The following GPM6A variants were observed in gnomAD, a reference collection of about 807,000 sequenced individuals.
GPM6A encodes neuronal membrane glycoprotein M6-a.
GPM6A carries 7 observed loss-of-function variants against 32.1 expected under a neutral mutation model. That is an observed-to-expected ratio of 0.22 (90% CI 0.12 to 0.41). The LOEUF (loss-of-function observed/expected upper bound fraction) is 0.41. GPM6A is among the 10% of genes least tolerant of loss of function. The probability of loss-of-function intolerance (pLI) is 1.00; values close to 1 mark genes in which losing one functional copy is unlikely to be tolerated. For missense variants in GPM6A, 235 were observed against 347.2 expected, an observed-to-expected ratio of 0.68 and a Z score of 2.57; for synonymous variants, 130 against 123.4, an observed-to-expected ratio of 1.05 and a Z score of -0.35.
chr4:175,843,789 A>G (rs1364804763), intron 1 of GPM6A, among the ~76,000 whole-genome samples: 3 of 152,286 alleles, frequency 2.0e-5, no homozygotes, highest in Non-Finnish European at 4.4e-5. Flanking sequence ...CTTGTAAAAT[A>G]AGGTGACTGG....
At chr4:175,734,944 A>C (rs1560903997) in intron 1 of GPM6A, among the ~76,000 whole-genome samples, 1 of 152,202 alleles carries the variant, frequency 6.6e-6, no homozygotes, top group Non-Finnish European at 1.5e-5. Flanking sequence ...ATTTATAAGA[A>C]CCCTCCACAC....
At chr4:175,902,034 GA>G (rs532157185) in intron 1 of GPM6A, among the ~76,000 whole-genome samples, 34 of 152,270 alleles carry the variant, frequency 2.2e-4, no homozygotes, top group African/African-American at 7.9e-4. Context: ...GCAACAAAAA[GA>G]TGTGGACAAG....
At chr4:175,670,860 C>CT (rs1743016862) in intron 3 of GPM6A, among the ~76,000 whole-genome samples, 1 of 116,418 alleles carries the variant, frequency 8.6e-6, no homozygotes, top group Non-Finnish European at 2.0e-5. Context: ...AATGTTGCTT[C>CT]ATTTTTTTTT....
At position 175,708,214 on chromosome 4, in the gene GPM6A, T is replaced by A. The variant is rs138603961; in HGVS notation, c.38-6447A>T. On this transcript the variant is annotated intron_variant, in intron 1 of 6. Transcript: ENST00000393658. ...ATTGTGAAAAGTTCAAGGAAGGAAA[T>A]CTAAACAAAGAGGTGGGGTAAGGAG... is the stretch of plus-strand genomic sequence containing the variant. Among the ~76,000 whole-genome samples the A allele has an allele frequency of 5.3e-5, 8 of 152,052 alleles. No individual in the cohort carries two copies. The East Asian group carries it at 1.5e-3, about 29-fold the overall frequency.
intron 1 of GPM6A, among the ~76,000 whole-genome samples, chr4:175,970,206 C>T (rs1740457855): frequency 2.0e-5 from 3 of 152,082 alleles, no homozygotes; most frequent in Admixed American, 1.3e-4. Context: ...TTGTTTTCAC[C>T]GGAAATCTGA....
chr4:175,677,301 G>A (rs899565281), intron 2 of GPM6A, among the ~76,000 whole-genome samples: 11 of 152,116 alleles, frequency 7.2e-5, no homozygotes, highest in African/African-American at 2.6e-4. Flanking sequence ...GTTATGTTTC[G>A]GTACCATTTT....
At chr4:175,743,635 T>TA (rs75778180) in intron 1 of GPM6A, among the ~76,000 whole-genome samples, 8,040 of 151,856 alleles carry the variant, frequency 0.053, 378 homozygotes, top group East Asian at 0.28. Context: ...TTTTACAATT[T>TA]AAAAAATGCA....
chr4:175,856,475 G>A (rs1736421279), intron 1 of GPM6A, among the ~76,000 whole-genome samples: 1 of 152,208 alleles, frequency 6.6e-6, no homozygotes. Context: ...CACGACCTCT[G>A]GAGCCCCAGA....
chr4:175,806,325 C>T (rs532723027), intron 1 of GPM6A, among the ~76,000 whole-genome samples: 8 of 152,276 alleles, frequency 5.3e-5, no homozygotes, highest in South Asian at 2.1e-4. Context: ...CTATCTATCA[C>T]GCTGTACTTC....
chr4:175,838,929 G>T (rs1490811068), intron 1 of GPM6A, among the ~76,000 whole-genome samples: 1 of 152,018 alleles, frequency 6.6e-6, no homozygotes, highest in Admixed American at 6.6e-5. Flanking sequence ...CTCCCAAAGT[G>T]CTGGGATTAC....
chr4:175,650,132 T>C (rs981301531), intron 4 of GPM6A, among the ~76,000 whole-genome samples: 1 of 152,052 alleles, frequency 6.6e-6, no homozygotes, highest in African/African-American at 2.4e-5. Context: ...GCCAAGAACG[T>C]CACCCATAGA....
At chr4:175,776,012 A>G (rs956677197) in intron 1 of GPM6A, among the ~76,000 whole-genome samples, 12 of 152,206 alleles carry the variant, frequency 7.9e-5, no homozygotes, top group South Asian at 4.1e-4. Context: ...TTCGATTATA[A>G]AAAGCCAAGG....
chr4:175,810,391 T>A (rs545217021), intron 1 of GPM6A, among the ~76,000 whole-genome samples: 1 of 152,088 alleles, frequency 6.6e-6, no homozygotes, highest in Non-Finnish European at 1.5e-5. Flanking sequence ...CCACTAAACG[T>A]TTTTTCTGAT....
At chr4:175,688,056 C>T (rs1744088960) in intron 2 of GPM6A, among the ~76,000 whole-genome samples, 1 of 151,894 alleles carries the variant, frequency 6.6e-6, no homozygotes, top group African/African-American at 2.4e-5. Context: ...TGTTTTTTTG[C>T]TATTGAGTTG....
chr4:175,708,595 C>T (rs2111083333), intron 1 of GPM6A, among the ~76,000 whole-genome samples: 1 of 152,070 alleles, frequency 6.6e-6, no homozygotes, highest in East Asian at 1.9e-4. Context: ...CTATGCTGTC[C>T]TGGCTGGTCT....
At chr4:175,896,061 G>T (rs570275606) in intron 1 of GPM6A, among the ~76,000 whole-genome samples, 8 of 152,130 alleles carry the variant, frequency 5.3e-5, no homozygotes, top group African/African-American at 1.4e-4. Flanking sequence ...ATAAAAAAGC[G>T]TGAACCACAT....
At chr4:175,913,669 C>T (rs745523619) in intron 1 of GPM6A, among the ~76,000 whole-genome samples, 1 of 152,152 alleles carries the variant, frequency 6.6e-6, no homozygotes, top group African/African-American at 2.4e-5. Context: ...GATTCTTGCA[C>T]GAGCTGTTGT....
At chr4:175,957,100 C>T (rs754362883) in intron 1 of GPM6A, among the ~76,000 whole-genome samples, 13 of 152,168 alleles carry the variant, frequency 8.5e-5, no homozygotes, top group Non-Finnish European at 1.8e-4. Context: ...CTTAGTTTTT[C>T]GGAATGTGCA....
intron 1 of GPM6A, among the ~76,000 whole-genome samples, chr4:175,735,021 A>C (rs558366184): frequency 2.6e-5 from 4 of 152,212 alleles, no homozygotes; most frequent in Non-Finnish European, 5.9e-5. Context: ...TCATGAAACC[A>C]TATTTGTCTT....
Sources: gnomAD v4.1 joint callset for allele counts (sites outside exome capture counted in the v4.1 genomes callset) on GRCh38, gnomAD v4.1.1 for gene constraint, MANE v1.5 for transcripts, NCBI Gene and HGNC (gene_info 2026-07-23, HGNC 2026-07-21) for gene names.